Variants in DDC observed in about 807,000 individuals in gnomAD.
DDC encodes aromatic-L-amino-acid decarboxylase.
In DDC, 43 loss-of-function variants were observed where a neutral mutation model predicts 60.0. That is an observed-to-expected ratio of 0.72 (90% confidence interval 0.56 to 0.92). The LOEUF (loss-of-function observed/expected upper bound fraction) is 0.92. Ranked by LOEUF, DDC falls within the 40% of genes least tolerant of loss-of-function variation. DDC has a pLI of 0.00. For synonymous variants in DDC, 232 were observed against 234.6 expected (o/e 0.99, Z 0.10); for missense variants, 573 against 620.2 (o/e 0.92, Z 0.81).
chr7:50,540,073 G>A (rs772538143), intron 2 of DDC, 45 bp from the exon 3 acceptor site: 50 of 1,491,108 alleles, frequency 3.4e-5, no homozygotes, highest in Non-Finnish European at 4.5e-5. Context: ...AGGAAAGCCA[G>A]GCCTCAAGAG....
intron 9 of DDC, among the ~76,000 whole-genome samples, chr7:50,491,643 A>G (rs1427338550): frequency 2.0e-5 from 3 of 152,264 alleles, no homozygotes; most frequent in Non-Finnish European, 4.4e-5. Flanking sequence ...GTTCCTAAGC[A>G]GAAAGCTACA....
intron 7 of DDC, among the ~76,000 whole-genome samples, chr7:50,503,610 T>C (rs946360563): frequency 6.6e-6 from 1 of 152,218 alleles, no homozygotes; most frequent in Non-Finnish European, 1.5e-5. Context: ...TACCAAAGAA[T>C]TAAATTCAAG....
chr7:50,463,262 G>A lies in DDC; in HGVS notation c.1412C>T (p.Ala471Val), dbSNP rs752911552. 36 of 1,613,846 alleles carry A rather than the reference G, an allele frequency of 2.2e-5. No homozygotes were observed. The Admixed American group carries it at 3.2e-4, about 14-fold the overall frequency. ...QRAWEHIKEL[A>V]ADVLRAERE is the part of the protein sequence containing the mutation. ...CCTCTCTGCTCGCAGCACGTCGGCC[G>A]CCAGCTCTTTGATGTGTTCCCAGGC... Residue 471 changes from alanine to valine, a missense_variant, in exon 14 of 15, where the codon GCG (alanine) becomes GTG (valine). By Grantham distance (64) the Ala-to-Val change is moderately conservative. Transcript: ENST00000444124.
intron 9 of DDC, 34 bp downstream of exon 9, chr7:50,495,316 C>T (rs1197995189): frequency 1.9e-6 from 3 of 1,547,616 alleles, no homozygotes; most frequent in East Asian, 2.2e-5. Context: ...TCACCTCGGA[C>T]AGGCAACTGA....
intron 1 of DDC, among the ~76,000 whole-genome samples, chr7:50,561,867 C>T (rs558792397): frequency 1.3e-5 from 2 of 152,304 alleles, no homozygotes; most frequent in East Asian, 3.9e-4. Flanking sequence ...CATGCACACA[C>T]ACCATGCACA....
intron 9 of DDC, among the ~76,000 whole-genome samples, chr7:50,489,536 A>C (rs2042956295): frequency 6.6e-6 from 1 of 152,208 alleles, no homozygotes; most frequent in Admixed American, 6.5e-5. Flanking sequence ...AGTCCAGCTA[A>C]ATCTTAAACA....
intron 6 of DDC, among the ~76,000 whole-genome samples, chr7:50,507,258 A>T (rs1170951262): frequency 6.6e-6 from 1 of 151,282 alleles, no homozygotes; most frequent in Non-Finnish European, 1.5e-5. Flanking sequence ...TTTTTTTGAG[A>T]TGGAGTTTCA....
Position 50,460,184 on chromosome 7 carries a change from TG to T in DDC, c.*19-1342del, listed in dbSNP as rs1225968122. Reference sequence around the variant, plus strand: ...CCAGCCGCCCCGTCCGGGAAGGAGGTGGGGGGGTCAGCCCCTGGCCCGGCCA... The same window carrying T: ...CCAGCCGCCCCGTCCGGGAAGGAGGTGGGGGGTCAGCCCCTGGCCCGGCCA... On this transcript the variant is annotated intron_variant, in intron 14 of 14. Coordinates refer to ENST00000444124, the MANE Select transcript of DDC (RefSeq NM_001082971.2). 1.4e-4 allele frequency among the ~76,000 whole-genome samples: 16 copies of T among 116,958 alleles called. 1 individual carries two copies. The highest frequency in any genetic ancestry group is 4.9e-4 in the African/African-American group (14 of 28,732). The allele number at this position is 116,958 out of a possible 152,430, so 76.7% of individuals were successfully genotyped here.
intron 2 of DDC, 41 bp from the exon 3 acceptor site, chr7:50,540,069 G>T: frequency 6.6e-7 from 1 of 1,521,770 alleles, no homozygotes; most frequent in Non-Finnish European, 9.1e-7. Flanking sequence ...AGTGAGGAAA[G>T]CCAGGCCTCA....
At chr7:50,518,059 A>C (rs551097098) in intron 6 of DDC, among the ~76,000 whole-genome samples, 1 of 152,012 alleles carries the variant, frequency 6.6e-6, no homozygotes, top group South Asian at 2.1e-4. Context: ...AAATACAAAA[A>C]AATTAGCCAG....
chr7:50,506,641 C>A (rs1045551714), intron 6 of DDC, among the ~76,000 whole-genome samples: 12 of 152,242 alleles, frequency 7.9e-5, no homozygotes, highest in African/African-American at 2.9e-4. Context: ...AGTAAAAAGG[C>A]ACAGTGAATA....
chr7:50,554,833 T>C (rs775990386), intron 1 of DDC, among the ~76,000 whole-genome samples: 1 of 152,176 alleles, frequency 6.6e-6, no homozygotes, highest in Non-Finnish European at 1.5e-5. Context: ...TTTTCTCAAC[T>C]ACAGAGAGAG....
chr7:50,551,984 C>CAGCTTT (rs2045012405), intron 1 of DDC, among the ~76,000 whole-genome samples: 1 of 152,116 alleles, frequency 6.6e-6, no homozygotes, highest in Non-Finnish European at 1.5e-5. Context: ...CTGGGGATAT[C>CAGCTTT]AGCTTTAAGT....
chr7:50,507,402 T>C (rs1281173827), intron 6 of DDC, among the ~76,000 whole-genome samples: 1 of 152,178 alleles, frequency 6.6e-6, no homozygotes, highest in Non-Finnish European at 1.5e-5. Flanking sequence ...AGCTAATTTT[T>C]TGTATTTTTA....
rs192412033 is a variant in DDC at position 50,563,125 on chromosome 7, C to A, written c.-29+2160G>T. Among the ~76,000 whole-genome samples, 473 of 149,890 alleles carry A rather than the reference C, an allele frequency of 3.2e-3. 3 individuals are homozygous for A. The highest frequency in any genetic ancestry group is 6.0e-3 in the Non-Finnish European group (405 of 67,822). ...GAAGTTGCAGCGAGCTGAGACTGTG[C>A]CACTGCACTCCAGCCTGGGTGGCAG... On this transcript the variant is annotated intron_variant, in intron 1 of 14. Coordinates refer to ENST00000444124, the MANE Select transcript of DDC (RefSeq NM_001082971.2).
chr7:50,530,424 G>A (rs562165860), intron 4 of DDC, among the ~76,000 whole-genome samples: 19 of 152,072 alleles, frequency 1.2e-4, no homozygotes, highest in Non-Finnish European at 2.5e-4. Flanking sequence ...TGCAGCCTTC[G>A]GGACTGTGAG....
intron 9 of DDC, among the ~76,000 whole-genome samples, chr7:50,489,195 T>C (rs1484234120): frequency 6.6e-6 from 1 of 152,076 alleles, no homozygotes; most frequent in Admixed American, 6.6e-5. Flanking sequence ...GTAGTAGAGA[T>C]AAGGTCTCAC....
rs371954618 is a variant in DDC at position 50,529,163 on chromosome 7, A to T, written c.570+45T>A. 9 of 1,611,768 alleles carry T rather than the reference A, an allele frequency of 5.6e-6. No homozygotes were observed. The African/African-American group carries it at 1.1e-4, about 19-fold the overall frequency. On this transcript the variant is annotated intron_variant, in intron 5 of 14. Coordinates refer to ENST00000444124, the MANE Select transcript of DDC (RefSeq NM_001082971.2). ...GTTTGAATTTGACATAAAACCAAAC[A>T]TTCGGGTCTTGAAGTCTTGGCTGAT...
intron 9 of DDC, among the ~76,000 whole-genome samples, chr7:50,488,539 A>C (rs1198147407): frequency 6.6e-6 from 1 of 152,132 alleles, no homozygotes; most frequent in Non-Finnish European, 1.5e-5. Flanking sequence ...TTTAAAAAAG[A>C]GGATGTTTGG....
Sources: gnomAD v4.1 joint callset for allele counts (sites outside exome capture counted in the v4.1 genomes callset) on GRCh38, gnomAD v4.1.1 for gene constraint, MANE v1.5 for transcripts, NCBI Gene and HGNC (gene_info 2026-07-23, HGNC 2026-07-21) for gene names.